ITFG1: variants seen among roughly 807,000 people sequenced by gnomAD.
ITFG1 encodes integrin alpha FG-GAP repeat containing 1, also known as T-cell immunomodulatory protein.
A neutral mutation model predicts 81.8 loss-of-function variants in ITFG1; 34 were observed. The observed-to-expected ratio is 0.42, with a 90% CI of 0.32 to 0.55. ITFG1 has a LOEUF of 0.55. Ranked by LOEUF, ITFG1 falls within the 20% of genes least tolerant of loss-of-function variation. ITFG1 has a pLI of 0.17. For synonymous variants in ITFG1, 285 were observed against 270.6 expected, an observed-to-expected ratio of 1.05 and a Z score of -0.52; for missense variants, 672 against 755.4, an observed-to-expected ratio of 0.89 and a Z score of 1.29.
chr16:47,407,165 G>A (rs1259840830), intron 6 of ITFG1, among the ~76,000 whole-genome samples: 1 of 152,218 alleles, frequency 6.6e-6, no homozygotes, highest in African/African-American at 2.4e-5. Flanking sequence ...TGGGAGACAA[G>A]GGTGGAAGCA....
In ITFG1 at chr16:47,161,825, C is replaced by T. The variant is rs141409020; in HGVS notation, c.1586G>A (p.Arg529Gln). The stretch of plus-strand genomic sequence containing the variant: ...AATGATTGCAGTCCACTCTTGTTTT[C>T]GTATAGACTGGAAGAAGAATTTAAG... Reference protein sequence around the residue: ...IPRPSGEKSIRKQEWTAIIPN... With the variant: ...IPRPSGEKSIQKQEWTAIIPN... The change falls in exon 16 of 18, where the codon CGA (arginine) becomes CAA (glutamine). Residue 529 changes from arginine to glutamine, a missense_variant. This residue lies in a region of ITFG1 where 65 missense variants were observed against 103.3 expected (regional missense o/e 0.63). Transcript: ENST00000320640. 87 of 1,587,924 alleles carry T rather than the reference C, an allele frequency of 5.5e-5. No individual in the cohort carries two copies. The highest frequency in any genetic ancestry group is 7.3e-5 in the Non-Finnish European group (84 of 1,156,604).
chr16:47,311,879 T>C (rs1249191642), intron 9 of ITFG1: 1 of 152,838 alleles, frequency 6.5e-6, no homozygotes, highest in Non-Finnish European at 1.5e-5. Flanking sequence ...TCTACTGCTG[T>C]GTCTCTTACA....
chr16:47,437,876 G>C (rs972528008), intron 5 of ITFG1, among the ~76,000 whole-genome samples: 2 of 152,228 alleles, frequency 1.3e-5, no homozygotes, highest in Non-Finnish European at 2.9e-5. Flanking sequence ...AGCAAAAGCA[G>C]GGCGAGGCAT....
At chr16:47,406,230 G>A (rs1341225804) in intron 6 of ITFG1, among the ~76,000 whole-genome samples, 2 of 152,178 alleles carry the variant, frequency 1.3e-5, no homozygotes, top group Non-Finnish European at 2.9e-5. Flanking sequence ...TAAGGTTGGA[G>A]TGATTTAATT....
intron 14 of ITFG1, among the ~76,000 whole-genome samples, chr16:47,174,064 AAAAC>A (rs540112513): frequency 2.8e-4 from 43 of 152,240 alleles, no homozygotes; most frequent in East Asian, 2.7e-3. Flanking sequence ...ACAAAAAACA[AAAAC>A]AAACAAAAAA....
chr16:47,316,760 C>T (rs1967365760), intron 8 of ITFG1, among the ~76,000 whole-genome samples: 1 of 152,024 alleles, frequency 6.6e-6, no homozygotes, highest in Admixed American at 6.5e-5. Flanking sequence ...TATTATTATG[C>T]CTGGGGAAGA....
At chr16:47,320,650 A>G (rs1967435014) in intron 8 of ITFG1, among the ~76,000 whole-genome samples, 1 of 152,202 alleles carries the variant, frequency 6.6e-6, no homozygotes, top group African/African-American at 2.4e-5. Flanking sequence ...TGATCACTGT[A>G]AGGATTAAAT....
intron 8 of ITFG1, among the ~76,000 whole-genome samples, chr16:47,318,147 G>T (rs1967392655): frequency 6.6e-6 from 1 of 151,824 alleles, no homozygotes; most frequent in African/African-American, 2.4e-5. Context: ...TCCATTCCCT[G>T]CTCCCCTCCA....
intron 8 of ITFG1, among the ~76,000 whole-genome samples, chr16:47,350,140 T>C (rs972444156): frequency 6.6e-6 from 1 of 151,742 alleles, no homozygotes; most frequent in Non-Finnish European, 1.5e-5. Flanking sequence ...CACCCTAATA[T>C]CACAATTAAA....
intron 6 of ITFG1, among the ~76,000 whole-genome samples, chr16:47,411,733 A>AC (rs1567491209): frequency 6.6e-6 from 1 of 152,170 alleles, no homozygotes; most frequent in African/African-American, 2.4e-5. Flanking sequence ...AGATGGGTGC[A>AC]GTCCTAATGA....
At chr16:47,200,249 C>T (rs888291133) in intron 14 of ITFG1, among the ~76,000 whole-genome samples, 8 of 152,150 alleles carry the variant, frequency 5.3e-5, no homozygotes, top group Non-Finnish European at 1.2e-4. Flanking sequence ...CTTACTCTCC[C>T]TATTAAGCTA....
intron 10 of ITFG1, among the ~76,000 whole-genome samples, chr16:47,265,103 C>CTAT (rs140472658): frequency 0.031 from 4,587 of 150,130 alleles, 77 homozygotes; most frequent in Middle Eastern, 0.048. Flanking sequence ...TTAATAACTG[C>CTAT]TATTATTATT....
intron 10 of ITFG1, among the ~76,000 whole-genome samples, chr16:47,299,057 T>C (rs1236595266): frequency 6.6e-6 from 1 of 152,074 alleles, no homozygotes; most frequent in Non-Finnish European, 1.5e-5. Context: ...TGGTGAAATC[T>C]GCTGAGGTCT....
intron 8 of ITFG1, among the ~76,000 whole-genome samples, chr16:47,350,459 TC>T (rs1425885079): frequency 6.6e-6 from 1 of 152,086 alleles, no homozygotes; most frequent in African/African-American, 2.4e-5. Context: ...AACTAGAAAC[TC>T]TAGTAGAAAT....
intron 14 of ITFG1, among the ~76,000 whole-genome samples, chr16:47,183,447 T>G (rs1034116559): frequency 3.9e-5 from 6 of 152,186 alleles, no homozygotes; most frequent in Non-Finnish European, 7.3e-5. Context: ...ACGGGCAGAC[T>G]GCCTCCTCAA....
intron 12 of ITFG1, among the ~76,000 whole-genome samples, chr16:47,258,196 T>C (rs1346856016): frequency 6.6e-6 from 1 of 152,228 alleles, no homozygotes; most frequent in African/African-American, 2.4e-5. Flanking sequence ...CTTCCTGATA[T>C]GATGCACTGA....
intron 14 of ITFG1, among the ~76,000 whole-genome samples, chr16:47,164,906 C>T (rs1043424043): frequency 1.3e-5 from 2 of 152,232 alleles, no homozygotes; most frequent in Admixed American, 1.3e-4. Flanking sequence ...ATGGGAATTG[C>T]TCCAAGATAA....
At chr16:47,430,003 C>T (rs1327191618) in intron 5 of ITFG1, among the ~76,000 whole-genome samples, 1 of 150,844 alleles carries the variant, frequency 6.6e-6, no homozygotes, top group Non-Finnish European at 1.5e-5. Context: ...GGGCATTAGG[C>T]CTTTATCTAG....
chr16:47,156,239 C>T (rs1964703046), intron 17 of ITFG1, among the ~76,000 whole-genome samples: 1 of 152,030 alleles, frequency 6.6e-6, no homozygotes, highest in South Asian at 2.1e-4. Context: ...GAATTCGAGA[C>T]CAGCCTGGCC....
Sources: allele counts gnomAD v4.1 joint callset (sites outside exome capture counted in the v4.1 genomes callset), GRCh38; gene constraint gnomAD v4.1.1; regional missense constraint gnomAD v4.1.1; transcripts MANE v1.5; gene names NCBI Gene and HGNC (gene_info 2026-07-23, HGNC 2026-07-21).